RSPRY1: variants seen among roughly 807,000 people sequenced by gnomAD.
The protein encoded by RSPRY1 is ring finger and SPRY domain containing 1.
In RSPRY1, 23 loss-of-function variants were observed where a neutral mutation model predicts 73.1. The observed-to-expected ratio is 0.31, with a 90% CI of 0.23 to 0.45. The LOEUF is 0.45. RSPRY1 is among the 20% of genes least tolerant of loss of function. The pLI, the probability that RSPRY1 is intolerant of heterozygous loss-of-function variation, is 1.00. For missense variants in RSPRY1, 448 were observed against 698.7 expected, an observed-to-expected ratio of 0.64 and a Z score of 4.05; for synonymous variants, 226 against 251.4, an observed-to-expected ratio of 0.90 and a Z score of 0.95.
chr16:57,220,888 A>G (rs2075023926), intron 9 of RSPRY1, 41 bp downstream of exon 9: 2 of 1,374,452 alleles, frequency 1.5e-6, no homozygotes, highest in African/African-American at 2.9e-5. Flanking sequence ...GGGGGATGAG[A>G]GGGTAATTAT....
At chr16:57,201,172 C>T (rs1338726784) in intron 1 of RSPRY1, among the ~76,000 whole-genome samples, 1 of 150,944 alleles carries the variant, frequency 6.6e-6, no homozygotes, top group African/African-American at 2.5e-5. Flanking sequence ...GGTGTGGCTG[C>T]CAGGTGGAGG....
intron 14 of RSPRY1, 73 bp from the exon 15 acceptor site, chr16:57,238,806 T>G: frequency 1.3e-6 from 1 of 741,390 alleles, no homozygotes; most frequent in Non-Finnish European, 2.2e-6. Flanking sequence ...ACATTTTTGA[T>G]TTAGTTGGCA....
intron 1 of RSPRY1, chr16:57,186,891 G>T (rs1409441922): frequency 6.6e-6 from 1 of 152,400 alleles, no homozygotes; most frequent in South Asian, 2.1e-4. Flanking sequence ...GACGCTTTAG[G>T]AGGGTTCTTT....
intron 7 of RSPRY1, 28 bp downstream of exon 7, chr16:57,216,201 G>C (rs2074937690): frequency 6.6e-7 from 1 of 1,518,160 alleles, no homozygotes; most frequent in South Asian, 1.1e-5. Flanking sequence ...TTGCACTAAT[G>C]ATCTTCTGTA....
At chr16:57,196,669 T>G (rs2074453075) in intron 1 of RSPRY1, among the ~76,000 whole-genome samples, 1 of 152,210 alleles carries the variant, frequency 6.6e-6, no homozygotes, top group Non-Finnish European at 1.5e-5. Flanking sequence ...AAGTATAGGT[T>G]ATAGAAAAGT....
At chr16:57,200,658 G>A (rs1159386523) in intron 1 of RSPRY1, among the ~76,000 whole-genome samples, 1 of 134,448 alleles carries the variant, frequency 7.4e-6, no homozygotes, top group African/African-American at 2.8e-5. Context: ...GGCCGGGCGG[G>A]GGGCTGACCC....
At chr16:57,187,707 CT>C (rs1348599619) in intron 1 of RSPRY1, among the ~76,000 whole-genome samples, 1 of 152,180 alleles carries the variant, frequency 6.6e-6, no homozygotes, top group Non-Finnish European at 1.5e-5. Context: ...CAGTCGTTGT[CT>C]GTCACCTGCG....
rs1567516017 is a variant in RSPRY1, at chr16:57,231,270, T to TTTAATG, written c.1481_1486dup (p.Asn495_Asp496insValAsn). ...CCCACCATCTATGAAATTTAGCACT[T>TTTAATG]TTAATGACTACGCCTTCCTAACAGC... is the stretch of plus-strand genomic sequence containing the variant. On this transcript the variant is annotated inframe_insertion, in exon 13 of 15. Coordinates refer to ENST00000394420, the MANE Select transcript of RSPRY1 (RefSeq NM_133368.3). The TTTAATG allele has an allele frequency of 6.2e-7, 1 of 1,613,902 alleles. No individual in the cohort carries two copies. Among genetic ancestry groups the TTTAATG allele is most frequent in the Non-Finnish European group, 8.5e-7 (1 of 1,179,966 alleles).
intron 11 of RSPRY1, among the ~76,000 whole-genome samples, chr16:57,227,713 A>G (rs771215958): frequency 6.6e-6 from 1 of 152,204 alleles, no homozygotes; most frequent in Non-Finnish European, 1.5e-5. Context: ...ATTAGTATGA[A>G]TTCTATTTTC....
intron 1 of RSPRY1, among the ~76,000 whole-genome samples, chr16:57,200,839 G>A (rs1490477891): frequency 4.0e-5 from 5 of 124,004 alleles, no homozygotes; most frequent in Non-Finnish European, 8.5e-5. Flanking sequence ...GGGCAGAGGC[G>A]CCCCTCACCT....
In RSPRY1 at chr16:57,204,522, A is replaced by T; in HGVS notation, c.-137A>T. The T allele has an allele frequency of 1.3e-6, 1 of 741,532 alleles. No homozygotes were observed. Among genetic ancestry groups the T allele is most frequent in the Non-Finnish European group, 2.3e-6 (1 of 444,426 alleles). The allele number at this position is 741,532 out of a possible 1,614,324, so 45.9% of individuals were successfully genotyped here. A position where few individuals can be genotyped will look rare whatever the true frequency, so the allele number is the denominator to read the frequency against. ...CTTTTAGAACTGCCATTGGATGTCCAGAATCCCCTGTAGTTGATAATGTTG... is the reference window on the plus strand; with the variant it reads ...CTTTTAGAACTGCCATTGGATGTCCTGAATCCCCTGTAGTTGATAATGTTG... On this transcript the variant is annotated 5_prime_UTR_variant, in exon 2 of 15. The change creates a premature stop within an existing upstream ORF in the 5' untranslated region. Coordinates refer to ENST00000394420, the MANE Select transcript of RSPRY1 (RefSeq NM_133368.3).
Position 57,212,639 on chromosome 16 carries a change from G to A in RSPRY1, c.517-333G>A, listed in dbSNP as rs1171380850. ...TAGCTCCCCCCACCCCCCTGAGACGGAGCCTTGCTCTGTCGTCCAGGCTGG... is the reference window on the plus strand; with the variant it reads ...TAGCTCCCCCCACCCCCCTGAGACGAAGCCTTGCTCTGTCGTCCAGGCTGG... On this transcript the variant is annotated intron_variant, in intron 4 of 14. Coordinates refer to ENST00000394420, the MANE Select transcript of RSPRY1 (RefSeq NM_133368.3). 2.0e-5 allele frequency among the ~76,000 whole-genome samples: 3 copies of A among 152,050 alleles called. No individual in the cohort carries two copies. In the East Asian group the frequency reaches 5.8e-4, roughly 29 times the overall value.
intron 1 of RSPRY1, among the ~76,000 whole-genome samples, chr16:57,187,890 T>G (rs1310794885): frequency 6.6e-6 from 1 of 152,238 alleles, no homozygotes; most frequent in Non-Finnish European, 1.5e-5. Flanking sequence ...TGGCAGGAGT[T>G]ACCACTGTAA....
intron 2 of RSPRY1, among the ~76,000 whole-genome samples, chr16:57,205,784 C>A (rs1178155223): frequency 6.6e-6 from 1 of 152,204 alleles, no homozygotes; most frequent in East Asian, 1.9e-4. Context: ...GATTCCTCAT[C>A]TGTAAATGGG....
In RSPRY1 at chr16:57,200,926, C is replaced by T. The variant is rs1417003638; in HGVS notation, c.-155-3578C>T. 3.8e-5 allele frequency among the ~76,000 whole-genome samples: 5 copies of T among 130,512 alleles called. No individual in the cohort carries two copies. In the South Asian group the frequency reaches 8.1e-4, roughly 21 times the overall value. 85.6% of individuals were successfully genotyped at this position (130,512 alleles called of 152,430 possible). A position where few individuals can be genotyped will look rare whatever the true frequency, so the allele number is the denominator to read the frequency against. ...GCGGCCAGGCAGAGGCGCCCCTCAC[C>T]TCCCAGACGGGGCGGCTGGCCGGGG... On this transcript the variant is annotated intron_variant, in intron 1 of 14. Coordinates refer to ENST00000394420, the MANE Select transcript of RSPRY1 (RefSeq NM_133368.3).
At chr16:57,208,960 G>C in intron 3 of RSPRY1, 115 bp from the exon 4 acceptor site, 1 of 673,098 alleles carries the variant, frequency 1.5e-6, no homozygotes, top group Non-Finnish European at 2.5e-6. Flanking sequence ...AATATTAGCT[G>C]CTAAAAATCT....
chr16:57,229,465 A>T (rs1185097421), intron 11 of RSPRY1, among the ~76,000 whole-genome samples: 1 of 151,854 alleles, frequency 6.6e-6, no homozygotes, highest in Non-Finnish European at 1.5e-5. Flanking sequence ...AAAAAATTTT[A>T]AAAATTTGCC....
chr16:57,189,831 T>A (rs2074323264), intron 1 of RSPRY1, among the ~76,000 whole-genome samples: 1 of 151,732 alleles, frequency 6.6e-6, no homozygotes, highest in Non-Finnish European at 1.5e-5. Context: ...GCACAAGCCA[T>A]CCACCCACCT....
At chr16:57,238,310 C>T (rs1023463525) in intron 14 of RSPRY1, among the ~76,000 whole-genome samples, 2 of 152,126 alleles carry the variant, frequency 1.3e-5, no homozygotes, top group Non-Finnish European at 2.9e-5. Flanking sequence ...TTTTCTGGAA[C>T]TTGACATGCT....
Sources: gnomAD v4.1 joint callset for allele counts (sites outside exome capture counted in the v4.1 genomes callset) on GRCh38, gnomAD v4.1.1 for gene constraint, MANE v1.5 for transcripts, NCBI Gene and HGNC (gene_info 2026-07-23, HGNC 2026-07-21) for gene names.